The following CNTNAP2 variants were observed in gnomAD, a reference collection of about 807,000 sequenced individuals.
CNTNAP2 encodes the protein contactin associated protein 2.
Under a neutral mutation model 155.2 loss-of-function variants are expected in CNTNAP2, and 98 were observed. The observed-to-expected ratio is 0.63, with a 90% confidence interval of 0.54 to 0.75. CNTNAP2 has a LOEUF of 0.75. Ranked by LOEUF, CNTNAP2 falls within the 30% of genes least tolerant of loss-of-function variation. The probability of loss-of-function intolerance (pLI) is 0.00; values close to 1 mark genes in which losing one functional copy is unlikely to be tolerated. For synonymous variants in CNTNAP2, 651 were observed against 631.2 expected (o/e 1.03, Z -0.47); for missense variants, 1,727 against 1,688.1 (o/e 1.02, Z -0.40).
chr7:146,222,813 G>A (rs925349394), intron 1 of CNTNAP2, among the ~76,000 whole-genome samples: 6 of 151,382 alleles, frequency 4.0e-5, no homozygotes, highest in Non-Finnish European at 7.4e-5. Context: ...CCGCCACCAC[G>A]CCCAGCTAAT....
chr7:148,380,658 A>ATGTT (rs1478453800), intron 21 of CNTNAP2, among the ~76,000 whole-genome samples: 1 of 152,122 alleles, frequency 6.6e-6, no homozygotes, highest in Non-Finnish European at 1.5e-5. Context: ...TGAAACATAA[A>ATGTT]TGTTTATTCA....
At chr7:147,619,878 C>T (rs1366576073) in intron 12 of CNTNAP2, among the ~76,000 whole-genome samples, 1 of 152,176 alleles carries the variant, frequency 6.6e-6, no homozygotes, top group Non-Finnish European at 1.5e-5. Flanking sequence ...TGGGGCAACA[C>T]CCAGTCCTGT....
intron 20 of CNTNAP2, among the ~76,000 whole-genome samples, chr7:148,231,686 C>A (rs1395391277): frequency 6.6e-6 from 1 of 152,000 alleles, no homozygotes; most frequent in Admixed American, 6.6e-5. Flanking sequence ...ATTTTGTTAC[C>A]GGAAGAAGGG....
At chr7:146,288,445 A>G (rs1800373872) in intron 1 of CNTNAP2, among the ~76,000 whole-genome samples, 1 of 152,196 alleles carries the variant, frequency 6.6e-6, no homozygotes, top group African/African-American at 2.4e-5. Context: ...GTTCTTAGAA[A>G]CTGTGACTTT....
intron 1 of CNTNAP2, among the ~76,000 whole-genome samples, chr7:146,739,126 A>G (rs1801667747): frequency 6.6e-6 from 1 of 151,728 alleles, no homozygotes; most frequent in Non-Finnish European, 1.5e-5. Flanking sequence ...TCTAGTCTCT[A>G]TTTTATTGAT....
chr7:148,369,567 A>G (rs1798850320), intron 21 of CNTNAP2, among the ~76,000 whole-genome samples: 2 of 151,898 alleles, frequency 1.3e-5, no homozygotes, highest in African/African-American at 4.8e-5. Flanking sequence ...GCCAAGATCT[A>G]AGGGGAACCA....
intron 3 of CNTNAP2, among the ~76,000 whole-genome samples, chr7:146,867,138 A>T (rs1021008609): frequency 3.9e-5 from 6 of 152,048 alleles, no homozygotes; most frequent in African/African-American, 1.4e-4. Context: ...CCCAGTGCCC[A>T]ATAGTTATCT....
intron 15 of CNTNAP2, among the ~76,000 whole-genome samples, chr7:148,018,172 C>T (rs1285773263): frequency 6.6e-6 from 1 of 152,192 alleles, no homozygotes; most frequent in African/African-American, 2.4e-5. Flanking sequence ...ACCAATTTCA[C>T]ATCTAACCTC....
At chr7:146,200,511 C>T (rs200682657) in intron 1 of CNTNAP2, among the ~76,000 whole-genome samples, 8 of 80,684 alleles carry the variant, frequency 9.9e-5, no homozygotes, top group Admixed American at 1.7e-4. Flanking sequence ...TATATATATA[C>T]ACACACACAG....
chr7:147,702,462 G>C (rs1016205595), intron 13 of CNTNAP2, among the ~76,000 whole-genome samples: 2 of 151,602 alleles, frequency 1.3e-5, no homozygotes, highest in Non-Finnish European at 2.9e-5. Context: ...TGTAAGATAT[G>C]GTCCCACATA....
chr7:148,144,429 C>T (rs939275957), intron 16 of CNTNAP2, among the ~76,000 whole-genome samples: 1 of 152,190 alleles, frequency 6.6e-6, no homozygotes, highest in Non-Finnish European at 1.5e-5. Flanking sequence ...CAAGGGAAAG[C>T]AATGTGAACG....
intron 21 of CNTNAP2, among the ~76,000 whole-genome samples, chr7:148,289,165 C>A (rs561621787): frequency 6.6e-6 from 1 of 152,182 alleles, no homozygotes; most frequent in South Asian, 2.1e-4. Context: ...TGTCTCCCAG[C>A]CCCTAGAAAG....
chr7:147,796,771 G>A (rs1797902733), intron 13 of CNTNAP2, among the ~76,000 whole-genome samples: 1 of 152,126 alleles, frequency 6.6e-6, no homozygotes, highest in Non-Finnish European at 1.5e-5. Flanking sequence ...GACTGGAGTC[G>A]AGACAATTAG....
chr7:146,964,377 T>A (rs902759913), intron 3 of CNTNAP2, among the ~76,000 whole-genome samples: 3 of 152,170 alleles, frequency 2.0e-5, no homozygotes, highest in Admixed American at 1.3e-4. Flanking sequence ...TAAAACTGAT[T>A]TGTTTAAATT....
At chr7:148,181,741 CTTTTTTTTTTTTTTTTTT>C (rs71527884) in intron 18 of CNTNAP2, among the ~76,000 whole-genome samples, 198 of 48,676 alleles carry the variant, frequency 4.1e-3, no homozygotes, top group African/African-American at 0.016. Context: ...AGTGTGTGCC[CTTTTTTTTTTTTTTTTTT>C]TTTTTTTTTT....
chr7:147,891,602 G>A (rs1011148648), intron 13 of CNTNAP2, among the ~76,000 whole-genome samples: 3 of 151,704 alleles, frequency 2.0e-5, no homozygotes, highest in African/African-American at 7.3e-5. Context: ...TGAAGAAAAG[G>A]GATATAAACA....
intron 17 of CNTNAP2, among the ~76,000 whole-genome samples, chr7:148,168,603 C>A (rs1055346668): frequency 3.3e-5 from 5 of 151,418 alleles, no homozygotes; most frequent in African/African-American, 9.7e-5. Context: ...AGGAGATATA[C>A]CTAATGTTAA....
intron 1 of CNTNAP2, among the ~76,000 whole-genome samples, chr7:146,405,855 G>C (rs1181999478): frequency 6.6e-6 from 1 of 152,196 alleles, no homozygotes; most frequent in Non-Finnish European, 1.5e-5. Context: ...AATGGGGCCA[G>C]TACAATCAGA....
intron 3 of CNTNAP2, among the ~76,000 whole-genome samples, chr7:146,871,726 G>C (rs766061881): frequency 2.0e-5 from 3 of 151,734 alleles, no homozygotes; most frequent in South Asian, 2.1e-4. Context: ...TAGTGACATG[G>C]ATGTATTTTT....
Sources: gnomAD v4.1 joint callset for allele counts (sites outside exome capture counted in the v4.1 genomes callset) on GRCh38, gnomAD v4.1.1 for gene constraint, MANE v1.5 for transcripts, NCBI Gene and HGNC (gene_info 2026-07-23, HGNC 2026-07-21) for gene names.